Variants in CCDC148 observed in about 807,000 individuals in gnomAD.
CCDC148 encodes the protein coiled-coil domain containing 148, also known as coiled-coil domain-containing protein 148.
In CCDC148, 89 loss-of-function variants were observed where a neutral mutation model predicts 85.7. That is an observed-to-expected ratio of 1.04 (90% CI 0.87 to 1.24). The LOEUF is 1.24. Ranked by LOEUF, CCDC148 falls within the 50% of genes most tolerant of loss-of-function variation. CCDC148 has a pLI of 0.00. For missense variants in CCDC148, 692 were observed against 671.7 expected (o/e 1.03, Z -0.33); for synonymous variants, 230 against 213.9 (o/e 1.08, Z -0.66).
chr2:158,336,053 C>T (rs987393776), intron 7 of CCDC148, among the ~76,000 whole-genome samples: 5 of 152,178 alleles, frequency 3.3e-5, no homozygotes, highest in Non-Finnish European at 7.3e-5. Context: ...TATGGCATAG[C>T]AGTGCACAAC....
At chr2:158,354,905 G>T (rs1018829532) in intron 2 of CCDC148, among the ~76,000 whole-genome samples, 6 of 151,762 alleles carry the variant, frequency 4.0e-5, no homozygotes, top group African/African-American at 1.5e-4. Context: ...TCATCCCTGG[G>T]ATGCAAGGCT....
chr2:158,255,751 A>G (rs1310394873), intron 9 of CCDC148, among the ~76,000 whole-genome samples: 1 of 151,762 alleles, frequency 6.6e-6, no homozygotes, highest in African/African-American at 2.4e-5. Context: ...CAATGTAACA[A>G]TAATAATCAC....
chr2:158,355,682 C>A (rs56218602), intron 2 of CCDC148, among the ~76,000 whole-genome samples: 1 of 126,312 alleles, frequency 7.9e-6, no homozygotes, highest in African/African-American at 3.3e-5. Context: ...TCAATGCCAT[C>A]CCCATCAAGC....
In CCDC148 at chr2:158,328,829, T is replaced by A. The variant is rs534382667; in HGVS notation, c.764+9897A>T. The stretch of plus-strand genomic sequence containing the variant: ...AATGTCTTCTTTTGAGAAGTGTCTG[T>A]TCATATCCTTCACCCACTTTTTGAT... On this transcript the variant is annotated intron_variant, in intron 7 of 13. Transcript: ENST00000283233. Among the ~76,000 whole-genome samples, 8 of 152,332 alleles carry A rather than the reference T, an allele frequency of 5.3e-5. No homozygotes were observed. The East Asian group carries it at 5.8e-4, about 11-fold the overall frequency.
At chr2:158,433,091 A>AAAAAAAT (rs1553521585) in intron 1 of CCDC148, among the ~76,000 whole-genome samples, 1 of 51,314 alleles carries the variant, frequency 1.9e-5, no homozygotes, top group African/African-American at 5.5e-5. Context: ...AAAAAAAAAA[A>AAAAAAAT]ATATATATAT....
chr2:158,399,786 A>C (rs187945914), intron 1 of CCDC148, among the ~76,000 whole-genome samples: 7 of 152,290 alleles, frequency 4.6e-5, no homozygotes, highest in African/African-American at 1.4e-4. Flanking sequence ...GCAATCAGGC[A>C]AGAGAATGAA....
intron 9 of CCDC148, among the ~76,000 whole-genome samples, chr2:158,281,909 C>T (rs1427555412): frequency 2.0e-5 from 3 of 152,016 alleles, no homozygotes; most frequent in African/African-American, 4.8e-5. Context: ...TCCAGCAGCA[C>T]ATGAAAAAGC....
chr2:158,421,442 A>C (rs576224833), intron 1 of CCDC148, among the ~76,000 whole-genome samples: 1 of 152,324 alleles, frequency 6.6e-6, no homozygotes, highest in South Asian at 2.1e-4. Context: ...ACTCACTCAA[A>C]ACTGCTCAAC....
chr2:158,228,929 T>C (rs1687706559), intron 10 of CCDC148, among the ~76,000 whole-genome samples: 4 of 148,656 alleles, frequency 2.7e-5, no homozygotes, highest in Admixed American at 2.0e-4. Flanking sequence ...CTGCACGTTG[T>C]GCACATGTAC....
At chr2:158,372,606 C>T (rs77205940) in intron 1 of CCDC148, among the ~76,000 whole-genome samples, 156 of 152,102 alleles carry the variant, frequency 1.0e-3, no homozygotes, top group Middle Eastern at 3.4e-3. Context: ...GTCCCTTTTA[C>T]GCCTAACCTC....
chr2:158,365,947 G>C, intron 1 of CCDC148: 1 of 1,118,224 alleles, frequency 8.9e-7, no homozygotes, highest in Non-Finnish European at 1.3e-6. Flanking sequence ...CATTCCAATT[G>C]TGTATCATTT....
chr2:158,309,792 C>T (rs1200513809), intron 8 of CCDC148, among the ~76,000 whole-genome samples, 153 bp from the exon 9 acceptor site: 1 of 152,144 alleles, frequency 6.6e-6, no homozygotes, highest in Non-Finnish European at 1.5e-5. Flanking sequence ...AACCAGAAAC[C>T]AGGTACTACC....
intron 11 of CCDC148, among the ~76,000 whole-genome samples, chr2:158,185,130 C>G (rs1049143977): frequency 6.6e-6 from 1 of 152,162 alleles, no homozygotes; most frequent in Non-Finnish European, 1.5e-5. Flanking sequence ...GTATTATTGA[C>G]ATTCCAGAGC....
In CCDC148 at chr2:158,361,834, A is replaced by T. The variant is rs1574694983; in HGVS notation, c.26-3264T>A. ...ACATAACAATACTAACCTTAACTGT[A>T]AATGGGCTAAATGCCTTTAATTAAA... On this transcript the variant is annotated intron_variant, in intron 1 of 13. Coordinates refer to ENST00000283233, the MANE Select transcript of CCDC148 (RefSeq NM_138803.4). Among the ~76,000 whole-genome samples, 4 of 152,316 alleles carry T rather than the reference A, an allele frequency of 2.6e-5. No homozygotes were observed. The South Asian group carries it at 8.3e-4, about 32-fold the overall frequency.
chr2:158,185,587 A>G (rs1344350092), intron 11 of CCDC148, among the ~76,000 whole-genome samples: 1 of 152,096 alleles, frequency 6.6e-6, no homozygotes, highest in Non-Finnish European at 1.5e-5. Flanking sequence ...TGAGAGATAC[A>G]AACAAGGACT....
chr2:158,446,625 T>C (rs1486657378), intron 1 of CCDC148, among the ~76,000 whole-genome samples: 2 of 152,200 alleles, frequency 1.3e-5, no homozygotes, highest in Non-Finnish European at 2.9e-5. Flanking sequence ...ATAATAGCTT[T>C]ATTGGGGTCT....
At chr2:158,375,519 C>T (rs1417677751) in intron 1 of CCDC148, among the ~76,000 whole-genome samples, 3 of 152,108 alleles carry the variant, frequency 2.0e-5, no homozygotes, top group Admixed American at 6.6e-5. Flanking sequence ...GTGCTTTTCA[C>T]TATCACTGCT....
intron 9 of CCDC148, among the ~76,000 whole-genome samples, chr2:158,305,755 TAA>T (rs56227304): frequency 0.43 from 38,052 of 88,120 alleles, 7,942 homozygotes; most frequent in South Asian, 0.62. Flanking sequence ...CCCTGTCTCT[TAA>T]AAAAAAAAAA....
At chr2:158,372,561 G>A (rs963857118) in intron 1 of CCDC148, among the ~76,000 whole-genome samples, 47 of 151,938 alleles carry the variant, frequency 3.1e-4, no homozygotes, top group African/African-American at 1.1e-3. Flanking sequence ...CTACATACCT[G>A]GACTTGATGT....
Sources: gnomAD v4.1 joint callset for allele counts (sites outside exome capture counted in the v4.1 genomes callset) on GRCh38, gnomAD v4.1.1 for gene constraint, MANE v1.5 for transcripts, NCBI Gene and HGNC (gene_info 2026-07-23, HGNC 2026-07-21) for gene names.